PHEX: variants seen among roughly 807,000 people sequenced by gnomAD.
PHEX encodes the protein phosphate-regulating neutral endopeptidase PHEX.
In PHEX, 16 loss-of-function variants were observed where a neutral mutation model predicts 68.0. The ratio of observed to expected loss-of-function variants is 0.24; its 90% CI spans 0.16 to 0.36. PHEX has a LOEUF of 0.36. PHEX is among the 10% of genes least tolerant of loss of function. The pLI is 1.00. For missense variants in PHEX, 480 were observed against 575.5 expected (o/e 0.83, Z 1.70); for synonymous variants, 208 against 205.1 (o/e 1.01, Z -0.12).
intron 12 of PHEX, among the ~76,000 whole-genome samples, chrX:22,138,895 C>T (rs771942106): frequency 1.8e-5 from 2 of 111,568 alleles, no homozygotes; most frequent in South Asian, 3.8e-4. Flanking sequence ...GCCACCTTCC[C>T]GAGCTTGTCC....
intron 3 of PHEX, among the ~76,000 whole-genome samples, chrX:22,056,163 C>T (rs1175851925): frequency 8.9e-6 from 1 of 112,122 alleles, no homozygotes; most frequent in Non-Finnish European, 1.9e-5. Flanking sequence ...GTCTTATTTA[C>T]CAAGCATTTA....
chrX:22,063,913 G>C (rs781010625), intron 3 of PHEX, among the ~76,000 whole-genome samples: 11 of 112,304 alleles, frequency 9.8e-5, no homozygotes, highest in South Asian at 7.3e-4. Context: ...ATGTTTATTT[G>C]ACTTCAAATT....
At chrX:22,243,252 C>T (rs1358604880) in intron 20 of PHEX, among the ~76,000 whole-genome samples, 1 of 111,873 alleles carries the variant, frequency 8.9e-6, no homozygotes, top group African/African-American at 3.3e-5. Flanking sequence ...ACCTGGACCC[C>T]TTCCTTACAC....
intron 12 of PHEX, among the ~76,000 whole-genome samples, chrX:22,158,517 G>A (rs1187197745): frequency 8.9e-6 from 1 of 112,227 alleles, no homozygotes; most frequent in Non-Finnish European, 1.9e-5. Context: ...TGATTAAAGT[G>A]GTCTCTTTGA....
intron 14 of PHEX, among the ~76,000 whole-genome samples, chrX:22,187,269 C>T (rs184381864): frequency 2.1e-3 from 240 of 111,727 alleles, no homozygotes; most frequent in Non-Finnish European, 3.8e-3. Context: ...AAGTTGTTGG[C>T]AGAATCCAGT....
At position 22,247,954 on chromosome X, in the gene PHEX, C is replaced by A. The variant is rs754974866; in HGVS notation, c.*1C>A. 1 of 1,174,375 alleles carries A rather than the reference C, an allele frequency of 8.5e-7. No individual in the cohort carries two copies. On this transcript the variant is annotated 3_prime_UTR_variant, in exon 22 of 22. Transcript: ENST00000379374. ...CATGGACTCCTGCCGACTCTGGTAG[C>A]TGGGACGCTGGTTTATGGCATCCTG...
intron 14 of PHEX, among the ~76,000 whole-genome samples, chrX:22,188,998 G>A (rs183568745): frequency 4.0e-4 from 45 of 112,195 alleles, no homozygotes; most frequent in African/African-American, 1.4e-3. Context: ...CCACAAATAC[G>A]TGAGATCTCA....
At chrX:22,123,382 A>C (rs1277684256) in intron 11 of PHEX, among the ~76,000 whole-genome samples, 1 of 111,125 alleles carries the variant, frequency 9.0e-6, no homozygotes, top group Non-Finnish European at 1.9e-5. Flanking sequence ...GTGTATCACA[A>C]ATAGGGATAA....
chrX:22,150,073 G>C (rs1199819941), intron 12 of PHEX, among the ~76,000 whole-genome samples: 1 of 111,339 alleles, frequency 9.0e-6, no homozygotes, highest in Admixed American at 9.6e-5. Flanking sequence ...TTTTGAGTAG[G>C]AATTGGAAGC....
intron 2 of PHEX, among the ~76,000 whole-genome samples, chrX:22,039,828 C>T (rs1381293900): frequency 2.7e-5 from 3 of 111,634 alleles, no homozygotes; most frequent in African/African-American, 9.8e-5. Flanking sequence ...CTCAGTTACT[C>T]GGGAGGCTGA....
chrX:22,183,666 C>T (rs1489013533), intron 14 of PHEX, among the ~76,000 whole-genome samples: 2 of 110,646 alleles, frequency 1.8e-5, no homozygotes, highest in Non-Finnish European at 3.8e-5. Flanking sequence ...AGTCACAGAT[C>T]TATATAATCT....
chrX:22,199,176 G>A (rs774450725), intron 15 of PHEX, among the ~76,000 whole-genome samples: 2 of 111,044 alleles, frequency 1.8e-5, no homozygotes, highest in African/African-American at 3.3e-5. Context: ...CTTAATCCTA[G>A]TATTAAAGAT....
chrX:22,109,421 G>A (rs192448741), intron 9 of PHEX, among the ~76,000 whole-genome samples: 1 of 111,837 alleles, frequency 8.9e-6, no homozygotes, highest in African/African-American at 3.2e-5. Flanking sequence ...TTCTGTTTTT[G>A]TATTTGTTAA....
chrX:22,101,468 C>T (rs1408548396), intron 9 of PHEX, among the ~76,000 whole-genome samples: 1 of 112,043 alleles, frequency 8.9e-6, no homozygotes, highest in Non-Finnish European at 1.9e-5. Flanking sequence ...GTTGCTATAA[C>T]CAGCACCTCT....
At chrX:22,109,146 G>A (rs1486497781) in intron 9 of PHEX, among the ~76,000 whole-genome samples, 3 of 111,484 alleles carry the variant, frequency 2.7e-5, no homozygotes, top group Non-Finnish European at 3.8e-5. Flanking sequence ...TCCCAGGCTG[G>A]TATGCCATGT....
In PHEX at chrX:22,088,989, G is replaced by A. The variant is rs141368052; in HGVS notation, c.664-1440G>A. Among the ~76,000 whole-genome samples, 127 of 111,882 alleles carry A rather than the reference G, an allele frequency of 1.1e-3. 1 individual carries two copies. Among genetic ancestry groups the A allele is most frequent in the African/African-American group, 3.8e-3 (118 of 30,852 alleles). Reference sequence around the variant, plus strand: ...TTTTTGACTAAGGTGTGAGGTATGTGTAAAGGTTTATTTTCTTTTTGCTTA... The same window carrying A: ...TTTTTGACTAAGGTGTGAGGTATGTATAAAGGTTTATTTTCTTTTTGCTTA... On this transcript the variant is annotated intron_variant, in intron 5 of 21. Transcript: ENST00000379374.
intron 12 of PHEX, among the ~76,000 whole-genome samples, chrX:22,138,521 G>A (rs1199130254): frequency 9.0e-6 from 1 of 111,456 alleles, no homozygotes; most frequent in Non-Finnish European, 1.9e-5. Context: ...CCTTACTTGG[G>A]AAGTGCCTAC....
At chrX:22,161,830 T>C (rs901979995) in intron 12 of PHEX, among the ~76,000 whole-genome samples, 2 of 112,229 alleles carry the variant, frequency 1.8e-5, no homozygotes, top group African/African-American at 6.5e-5. Flanking sequence ...TACATTCTAT[T>C]ATAAACTAGT....
At chrX:22,117,708 T>A (rs1268845223) in intron 11 of PHEX, among the ~76,000 whole-genome samples, 1 of 111,571 alleles carries the variant, frequency 9.0e-6, no homozygotes, top group Non-Finnish European at 1.9e-5. Flanking sequence ...TGTCAGGGTA[T>A]GACATTCTAA....
Sources: gnomAD v4.1 joint callset for allele counts (sites outside exome capture counted in the v4.1 genomes callset) on GRCh38, gnomAD v4.1.1 for gene constraint, MANE v1.5 for transcripts, NCBI Gene and HGNC (gene_info 2026-07-23, HGNC 2026-07-21) for gene names.